SMYD3: variants seen among roughly 807,000 people sequenced by gnomAD.
The protein encoded by SMYD3 is SET and MYND domain containing 3.
A neutral mutation model predicts 57.7 loss-of-function variants in SMYD3; 36 were observed. That is an observed-to-expected ratio of 0.62 (90% CI 0.48 to 0.82). The LOEUF (loss-of-function observed/expected upper bound fraction) is 0.82, where lower values mean the gene tolerates loss of function less well. Among genes scored for constraint, SMYD3 ranks in the 40% least tolerant of loss-of-function variants. The pLI, the probability that SMYD3 is intolerant of heterozygous loss-of-function variation, is 0.00. For missense variants in SMYD3, 515 were observed against 538.8 expected (o/e 0.96, Z 0.44); for synonymous variants, 211 against 195.0 (o/e 1.08, Z -0.68).
rs113949698 is a variant in SMYD3, at chr1:246,145,349, T to TAGC, written c.531+181849_531+181851dup. Among the ~76,000 whole-genome samples, 84 of 152,344 alleles carry TAGC rather than the reference T, an allele frequency of 5.5e-4. 1 individual carries two copies. The highest frequency in any genetic ancestry group is 2.0e-3 in the African/African-American group (82 of 41,578). On this transcript the variant is annotated intron_variant, in intron 5 of 11. Coordinates refer to ENST00000490107, the MANE Select transcript of SMYD3 (RefSeq NM_001167740.2). ...TGTCAGCAGCGAATAGCTCAATAAATAGCTTTTATTCTCCCAATTATTACA... is the reference window on the plus strand; with the variant it reads ...TGTCAGCAGCGAATAGCTCAATAAATAGCAGCTTTTATTCTCCCAATTATTACA...
intron 1 of SMYD3, among the ~76,000 whole-genome samples, chr1:246,454,568 T>C (rs560849174): frequency 2.2e-4 from 33 of 152,302 alleles, no homozygotes; most frequent in African/African-American, 7.9e-4. Flanking sequence ...GACTATAAAA[T>C]GTACACAGGC....
At chr1:246,256,519 G>A (rs937805086) in intron 5 of SMYD3, among the ~76,000 whole-genome samples, 11 of 152,002 alleles carry the variant, frequency 7.2e-5, no homozygotes, top group African/African-American at 1.9e-4. Context: ...CTGTGGGATC[G>A]GTTGTAATGT....
chr1:246,347,124 A>C (rs1232061917), intron 2 of SMYD3, among the ~76,000 whole-genome samples: 2 of 152,166 alleles, frequency 1.3e-5, no homozygotes, highest in Non-Finnish European at 2.9e-5. Context: ...ACCAACATTA[A>C]GAAGCAAAGA....
chr1:245,953,084 A>G, intron 5 of SMYD3: 1 of 529,742 alleles, frequency 1.9e-6, no homozygotes, highest in Non-Finnish European at 2.5e-6. Context: ...GTGATCATGA[A>G]ATCCCCAAAA....
At chr1:245,917,873 A>G (rs2055561052) in intron 7 of SMYD3, among the ~76,000 whole-genome samples, 1 of 152,240 alleles carries the variant, frequency 6.6e-6, no homozygotes, top group Non-Finnish European at 1.5e-5. Context: ...CCTAGAGCAG[A>G]AAACTCCATG....
intron 5 of SMYD3, among the ~76,000 whole-genome samples, chr1:246,320,489 T>C (rs2065228245): frequency 6.6e-6 from 1 of 152,194 alleles, no homozygotes; most frequent in African/African-American, 2.4e-5. Context: ...CAGCAGTACT[T>C]TGCAGAGCTC....
At chr1:245,953,540 A>C (rs994599006) in intron 5 of SMYD3, among the ~76,000 whole-genome samples, 5 of 152,062 alleles carry the variant, frequency 3.3e-5, no homozygotes, top group South Asian at 2.1e-4. Flanking sequence ...CTGCCTCAGC[A>C]TCCTGAGTAG....
chr1:245,880,130 A>C (rs1002620735), intron 8 of SMYD3, among the ~76,000 whole-genome samples: 10 of 152,254 alleles, frequency 6.6e-5, no homozygotes, highest in African/African-American at 2.4e-4. Flanking sequence ...TAGAGATAGC[A>C]CAGTTGCCAT....
At chr1:245,999,973 T>C (rs2059009399) in intron 5 of SMYD3, among the ~76,000 whole-genome samples, 2 of 152,200 alleles carry the variant, frequency 1.3e-5, no homozygotes, top group South Asian at 2.1e-4. Flanking sequence ...TGAATCCTAG[T>C]TCCTCTTTTA....
At chr1:246,276,309 C>T (rs79213900) in intron 5 of SMYD3, among the ~76,000 whole-genome samples, 44 of 78,016 alleles carry the variant, frequency 5.6e-4, no homozygotes, top group South Asian at 1.9e-3. Flanking sequence ...TTATTTAATG[C>T]CTCTAGTGGA....
chr1:246,335,933 G>A (rs2065536422), intron 2 of SMYD3, among the ~76,000 whole-genome samples: 1 of 152,152 alleles, frequency 6.6e-6, no homozygotes, highest in Non-Finnish European at 1.5e-5. Flanking sequence ...AGAAATATCA[G>A]GAGGGCTAAC....
At chr1:245,805,895 T>C (rs1000017257) in intron 10 of SMYD3, among the ~76,000 whole-genome samples, 1 of 152,222 alleles carries the variant, frequency 6.6e-6, no homozygotes, top group African/African-American at 2.4e-5. Flanking sequence ...ATAATTTATA[T>C]TCCCAAGTTC....
intron 10 of SMYD3, among the ~76,000 whole-genome samples, chr1:245,805,400 G>A (rs2048103240): frequency 6.6e-6 from 1 of 152,178 alleles, no homozygotes; most frequent in Non-Finnish European, 1.5e-5. Context: ...CTAGAATATT[G>A]TCAGATTATC....
chr1:245,799,653 T>C (rs750285274), intron 10 of SMYD3, among the ~76,000 whole-genome samples: 1 of 152,232 alleles, frequency 6.6e-6, no homozygotes, highest in Admixed American at 6.5e-5. Context: ...CAGCACATTG[T>C]TCTCTTTGTA....
intron 8 of SMYD3, among the ~76,000 whole-genome samples, chr1:245,879,440 G>A (rs1270872113): frequency 6.6e-6 from 1 of 152,254 alleles, no homozygotes; most frequent in African/African-American, 2.4e-5. Flanking sequence ...AAGAGTGTAA[G>A]AGGACAACGC....
intron 5 of SMYD3, among the ~76,000 whole-genome samples, chr1:246,093,568 T>C (rs2060858469): frequency 6.6e-6 from 1 of 152,132 alleles, no homozygotes. Flanking sequence ...CTAAAACAAT[T>C]TGAGGTAGAG....
rs578235145 is a variant in SMYD3 at position 245,836,824 on chromosome 1, C to T, written c.1076+21672G>A. 6.6e-5 allele frequency among the ~76,000 whole-genome samples: 10 copies of T among 152,210 alleles called. No homozygotes were observed. The East Asian group carries it at 1.2e-3, about 18-fold the overall frequency. On this transcript the variant is annotated intron_variant, in intron 10 of 11. Coordinates refer to ENST00000490107, the MANE Select transcript of SMYD3 (RefSeq NM_001167740.2). ...GAAACCTTGACAAGGCAAAGCAAAA[C>T]GACAAGCACGCCCTGAGCAGAGCCC... is the stretch of plus-strand genomic sequence containing the variant.
At chr1:246,279,002 T>TGACAGGAG (rs891359050) in intron 5 of SMYD3, among the ~76,000 whole-genome samples, 1 of 152,178 alleles carries the variant, frequency 6.6e-6, no homozygotes, top group Non-Finnish European at 1.5e-5. Flanking sequence ...CCTGACACCA[T>TGACAGGAG]GACAGGAGCA....
intron 5 of SMYD3, among the ~76,000 whole-genome samples, chr1:246,303,522 A>T (rs1558389052): frequency 6.6e-6 from 1 of 152,146 alleles, no homozygotes; most frequent in Middle Eastern, 3.2e-3. Context: ...CACTATATAA[A>T]TTAGTTGTTA....
Sources: gnomAD v4.1 joint callset for allele counts (sites outside exome capture counted in the v4.1 genomes callset) on GRCh38, gnomAD v4.1.1 for gene constraint, MANE v1.5 for transcripts, NCBI Gene and HGNC (gene_info 2026-07-23, HGNC 2026-07-21) for gene names.